NOTCH3: variants seen among roughly 807,000 people sequenced by gnomAD.
NOTCH3 encodes neurogenic locus notch homolog protein 3.
NOTCH3 carries 86 observed loss-of-function variants against 213.3 expected under a neutral mutation model. The ratio of observed to expected loss-of-function variants is 0.40; its 90% CI spans 0.34 to 0.48. The LOEUF (loss-of-function observed/expected upper bound fraction) is 0.48. Ranked by LOEUF, NOTCH3 falls within the 20% of genes least tolerant of loss-of-function variation. NOTCH3 has a pLI of 0.57. For missense variants in NOTCH3, 2,783 were observed against 3,272.6 expected (o/e 0.85, Z 3.65); for synonymous variants, 1,354 against 1,355.9 (o/e 1.00, Z 0.03).
rs767150916 is a variant in NOTCH3 at position 15,192,248 on chromosome 19, C to G, written c.391G>C (p.Gly131Arg). 7.5e-6 allele frequency: 12 copies of G among 1,602,680 alleles called. No homozygotes were observed. In the East Asian group the frequency reaches 2.7e-4, roughly 36 times the overall value. The change falls in exon 4 of 33, where the codon GGT becomes CGT. Residue 131 changes from glycine to arginine, a missense_variant. Coordinates refer to ENST00000263388, the MANE Select transcript of NOTCH3 (RefSeq NM_000435.3). ...DPCLSSPCAH[G>R]ARCSVGPDGR... is the part of the protein sequence containing the mutation. ...TCGGGCCCCACTGAGCAGCGGGCAC[C>G]GTGGGCACAAGGGCTGCTGAGGCAG...
At chr19:15,189,230 C>A (rs896664111) in intron 7 of NOTCH3, 43 bp downstream of exon 7, 21 of 1,613,704 alleles carry the variant, frequency 1.3e-5, no homozygotes, top group Non-Finnish European at 1.8e-5. Context: ...CCCTCCTCTC[C>A]CCTCTTTCCC....
chr19:15,172,579 G>A (rs1329772344), intron 25 of NOTCH3, among the ~76,000 whole-genome samples: 1 of 151,322 alleles, frequency 6.6e-6, no homozygotes, highest in African/African-American at 2.4e-5. Context: ...CCCCTCTCAG[G>A]TCTCTGCCTT....
intron 28 of NOTCH3, among the ~76,000 whole-genome samples, chr19:15,169,364 G>A (rs533382962): frequency 1.3e-4 from 19 of 151,854 alleles, no homozygotes; most frequent in African/African-American, 2.2e-4. Flanking sequence ...CTCCAGAACC[G>A]TGAAAAAATT....
In NOTCH3 at chr19:15,184,989, G is replaced by A. The variant is rs893615794; in HGVS notation, c.2327C>T (p.Thr776Ile). The A allele has an allele frequency of 2.0e-6, 3 of 1,537,968 alleles. No individual in the cohort carries two copies. Among genetic ancestry groups the A allele is most frequent in the Admixed American group, 2.0e-5 (1 of 50,240 alleles). Residue 776 changes from threonine (T) to isoleucine (I), a missense_variant, in exon 15 of 33, where the codon ACC (threonine) becomes ATC (isoleucine). Coordinates refer to ENST00000263388, the MANE Select transcript of NOTCH3 (RefSeq NM_000435.3). ...GCCCCCATGCTCACAGGGGTTCGGG[G>A]TGCAGGGGGAGAGGAGTTCACACTG... ...GRQCELLSPCTPNPCEHGGRC... is the reference protein window; with the variant it reads ...GRQCELLSPCIPNPCEHGGRC...
Position 15,170,731 on chromosome 19 carries a change from G to A in NOTCH3, c.4831C>T (p.Leu1611=). Residue 1611 remains leucine (L), a synonymous_variant, in exon 26 of 33, where the codon CTG becomes TTG. Transcript: ENST00000263388. ...FPDAQSAADY[L]GALSAVERLD... ...CGCTCCACCGCTGACAACGCTCCCAGGTAGTCAGCGGCGCTCTGGGCATCG... is the reference window on the plus strand; with the variant it reads ...CGCTCCACCGCTGACAACGCTCCCAAGTAGTCAGCGGCGCTCTGGGCATCG... The A allele has an allele frequency of 6.2e-7, 1 of 1,607,628 alleles. No homozygotes were observed. Among genetic ancestry groups the A allele is most frequent in the Non-Finnish European group, 8.5e-7 (1 of 1,177,488 alleles).
Position 15,180,394 on chromosome 19 carries a change from C to T in NOTCH3, c.3143-138G>A. On this transcript the variant is annotated intron_variant, in intron 19 of 32. Coordinates refer to ENST00000263388, the MANE Select transcript of NOTCH3 (RefSeq NM_000435.3). Reference sequence around the variant, plus strand: ...CACACTCCATCAGGTTGTCACACATCCCCCCAGCAGGCAAGGTCTCATCAC... The same window carrying T: ...CACACTCCATCAGGTTGTCACACATTCCCCCAGCAGGCAAGGTCTCATCAC... The T allele has an allele frequency of 3.0e-6, 3 of 1,004,254 alleles. No homozygotes were observed. In the South Asian group the frequency reaches 4.1e-5, roughly 14 times the overall value. 62.2% of individuals were successfully genotyped at this position (1,004,254 alleles called of 1,614,324 possible). A position where few individuals can be genotyped will look rare whatever the true frequency, so the allele number is the denominator to read the frequency against.
chr19:15,170,913 C>T (rs1253749725), intron 25 of NOTCH3, 88 bp from the exon 26 acceptor site: 2 of 1,480,738 alleles, frequency 1.4e-6, no homozygotes, highest in Non-Finnish European at 1.8e-6. Context: ...TCCCCAGCGC[C>T]TGGCTCTGAA....
intron 25 of NOTCH3, among the ~76,000 whole-genome samples, chr19:15,173,758 AGG>A (rs2046761918): frequency 7.7e-4 from 2 of 2,594 alleles, no homozygotes; most frequent in African/African-American, 0.013. Flanking sequence ...AAGAAGGAGA[AGG>A]AGAAGGAGAA....
In NOTCH3 at chr19:15,184,393, T is replaced by C; in HGVS notation, c.2468A>G (p.His823Arg). The change falls in exon 16 of 33, where the codon CAT becomes CGT. Residue 823 changes from histidine (H) to arginine (R), a missense_variant. Transcript: ENST00000263388. ...ECAGPAPCGP[H>R]GICTNLAGSF... ...CCCTGCCAGGTTGGTGCAGATACCA[T>C]GAGGGCCACAGGGTGCGGGGCCAGC... is the stretch of plus-strand genomic sequence containing the variant. The C allele has an allele frequency of 6.2e-7, 1 of 1,613,818 alleles. No individual in the cohort carries two copies. Among genetic ancestry groups the C allele is most frequent in the East Asian group, 2.2e-5 (1 of 44,874 alleles).
intron 28 of NOTCH3, 35 bp from the exon 29 acceptor site, chr19:15,167,446 C>T: frequency 6.3e-7 from 1 of 1,597,520 alleles, no homozygotes; most frequent in South Asian, 1.1e-5. Flanking sequence ...TCAGATCTCA[C>T]CCTTTGGTGC....
chr19:15,199,913 C>T (rs1422260679), intron 1 of NOTCH3, among the ~76,000 whole-genome samples: 1 of 152,002 alleles, frequency 6.6e-6, no homozygotes, highest in Non-Finnish European at 1.5e-5. Flanking sequence ...GAGGGGGGTG[C>T]CCCCGCAGCC....
intron 10 of NOTCH3, 133 bp from the exon 11 acceptor site, chr19:15,187,471 G>GCCCC: frequency 3.1e-6 from 2 of 653,348 alleles, no homozygotes; most frequent in Non-Finnish European, 5.2e-6. Context: ...CTCAATACAG[G>GCCCC]CCCCACCCCC....
At position 15,161,172 on chromosome 19, in the gene NOTCH3, G is replaced by T. The variant is rs1306644397; in HGVS notation, c.6456C>A (p.Pro2152=). ...CCAGGCTGAGTACACATCCTCCAGG[G>T]GGCTGGCGCCCTAGACCCGCCCGGC... The part of the protein sequence containing the change: ...GPGRAGLGRQ[P]PGGCVLSLGL... The change falls in exon 33 of 33, where the codon CCC becomes CCA. Residue 2152 remains proline, a synonymous_variant. Transcript: ENST00000263388. 6.5e-7 allele frequency: 1 copy of T among 1,539,348 alleles called. No individual in the cohort carries two copies. The highest frequency in any genetic ancestry group is 1.2e-5 in the South Asian group (1 of 84,284).
intron 1 of NOTCH3, among the ~76,000 whole-genome samples, chr19:15,199,607 G>A (rs1599402584): frequency 6.6e-6 from 1 of 152,214 alleles, no homozygotes; most frequent in Non-Finnish European, 1.5e-5. Context: ...CCTGAGCCAG[G>A]TGTGCAAGTC....
chr19:15,173,179 TGG>T (rs1171391246), intron 25 of NOTCH3, among the ~76,000 whole-genome samples: 1 of 141,772 alleles, frequency 7.1e-6, no homozygotes, highest in Non-Finnish European at 1.5e-5. Context: ...CCCAGCACTT[TGG>T]GAGGCCGAGG....
At position 15,192,485 on chromosome 19, in the gene NOTCH3, G is replaced by A. The variant is rs2046938023; in HGVS notation, c.232C>T (p.Leu78=). The A allele has an allele frequency of 6.2e-7, 1 of 1,603,530 alleles. No individual in the cohort carries two copies. The highest frequency in any genetic ancestry group is 1.3e-5 in the African/African-American group (1 of 74,716). Residue 78 remains leucine (L), a synonymous_variant, in exon 3 of 33, where the codon CTG becomes TTG. Transcript: ENST00000263388. ...PPGWVGERCQ[L]EDPCHSGPCA... The stretch of plus-strand genomic sequence containing the variant: ...GGGCCTGAGTGACAGGGGTCCTCCA[G>A]CTGACACCGCTCACCCACCCAGCCA...
In NOTCH3 at chr19:15,160,534, A is replaced by C; in HGVS notation, c.*128T>G. The C allele has an allele frequency of 1.2e-6, 1 of 840,436 alleles. No homozygotes were observed. Among genetic ancestry groups the C allele is most frequent in the African/African-American group, 1.7e-5 (1 of 60,176 alleles). The allele number at this position is 840,436 out of a possible 1,614,324, so 52.1% of individuals were successfully genotyped here. ...CCTATCTCGGTCACGCTGCAAGGCA[A>C]GGATGCAGGAGGGTTGGTGGAAAGA... On this transcript the variant is annotated 3_prime_UTR_variant, in exon 33 of 33. Transcript: ENST00000263388.
At chr19:15,172,748 C>T (rs1382291812) in intron 25 of NOTCH3, among the ~76,000 whole-genome samples, 3 of 151,394 alleles carry the variant, frequency 2.0e-5, no homozygotes, top group Non-Finnish European at 4.4e-5. Context: ...TCACTGCAAC[C>T]TTCACTTCCT....
At chr19:15,164,378 A>G (rs1296923152) in intron 31 of NOTCH3, among the ~76,000 whole-genome samples, 1 of 151,946 alleles carries the variant, frequency 6.6e-6, no homozygotes, top group East Asian at 1.9e-4. Context: ...CGTCTCTACT[A>G]AAAATACAAA....
Sources: gnomAD v4.1 joint callset for allele counts (sites outside exome capture counted in the v4.1 genomes callset) on GRCh38, gnomAD v4.1.1 for gene constraint, MANE v1.5 for transcripts, NCBI Gene and HGNC (gene_info 2026-07-23, HGNC 2026-07-21) for gene names.